SRGAP1: variants seen among roughly 807,000 people sequenced by gnomAD.
SRGAP1 encodes the protein SLIT-ROBO Rho GTPase activating protein 1, also known as SLIT-ROBO Rho GTPase-activating protein 1.
Under a neutral mutation model 121.9 loss-of-function variants are expected in SRGAP1, and 43 were observed. The ratio of observed to expected loss-of-function variants is 0.35; its 90% CI spans 0.28 to 0.46. The LOEUF (loss-of-function observed/expected upper bound fraction) is 0.46. Ranked by LOEUF, SRGAP1 falls within the 20% of genes least tolerant of loss-of-function variation. The pLI, the probability that SRGAP1 is intolerant of heterozygous loss-of-function variation, is 1.00. For missense variants in SRGAP1, 1,102 were observed against 1,350.9 expected (o/e 0.82, Z 2.89); for synonymous variants, 447 against 485.4 (o/e 0.92, Z 1.04).
intron 1 of SRGAP1, among the ~76,000 whole-genome samples, chr12:63,902,112 C>G (rs894749358): frequency 6.6e-6 from 1 of 152,126 alleles, no homozygotes; most frequent in Non-Finnish European, 1.5e-5. Context: ...CTCAGGAGTT[C>G]GAAACCAGCC....
At chr12:63,849,553 G>T (rs1252463982) in intron 1 of SRGAP1, among the ~76,000 whole-genome samples, 1 of 152,148 alleles carries the variant, frequency 6.6e-6, no homozygotes, top group African/African-American at 2.4e-5. Context: ...TGACCACTCT[G>T]CAGCCTGACA....
At chr12:63,984,237 G>A in intron 2 of SRGAP1, 95 bp downstream of exon 2, 1 of 585,522 alleles carries the variant, frequency 1.7e-6, no homozygotes, top group Non-Finnish European at 2.7e-6. Context: ...TTTTGTCTGA[G>A]TAGTGGTTGT....
intron 1 of SRGAP1, among the ~76,000 whole-genome samples, chr12:63,918,690 T>C: frequency 6.6e-6 from 1 of 152,252 alleles, no homozygotes; most frequent in East Asian, 1.9e-4. Context: ...GTGCTGGGAT[T>C]ACAGGCGTGA....
In SRGAP1 at chr12:64,055,259, T is replaced by G. The variant is rs533468244; in HGVS notation, c.802-7658T>G. Reference sequence around the variant, plus strand: ...GAGTGAACTCCCATTCACAATTGCTTCAAAGAGAATAAAATACCTAGGAAT... The same window carrying G: ...GAGTGAACTCCCATTCACAATTGCTGCAAAGAGAATAAAATACCTAGGAAT... On this transcript the variant is annotated intron_variant, in intron 6 of 21. Transcript: ENST00000355086. Among the ~76,000 whole-genome samples the G allele has an allele frequency of 2.3e-3, 325 of 140,110 alleles. 2 individuals carry two copies. The highest frequency in any genetic ancestry group is 6.9e-3 in the Middle Eastern group (2 of 288). 91.9% of individuals were successfully genotyped at this position (140,110 alleles called of 152,430 possible).
At chr12:64,117,486 A>G (rs573183163) in intron 18 of SRGAP1, among the ~76,000 whole-genome samples, 77 of 152,314 alleles carry the variant, frequency 5.1e-4, no homozygotes, top group African/African-American at 1.8e-3. Flanking sequence ...TGTCTTTTGC[A>G]AAACAGAACA....
At chr12:64,132,106 T>G (rs1382868076) in intron 21 of SRGAP1, among the ~76,000 whole-genome samples, 1 of 152,026 alleles carries the variant, frequency 6.6e-6, no homozygotes, top group East Asian at 1.9e-4. Flanking sequence ...ACCAGAGAGG[T>G]GACGTTGCAG....
At chr12:63,987,129 G>A (rs1408061658) in intron 2 of SRGAP1, among the ~76,000 whole-genome samples, 2 of 152,138 alleles carry the variant, frequency 1.3e-5, no homozygotes, top group Non-Finnish European at 2.9e-5. Flanking sequence ...TCTTTGATAC[G>A]ATTGATAACC....
intron 1 of SRGAP1, among the ~76,000 whole-genome samples, chr12:63,974,431 A>T (rs2033039270): frequency 6.6e-6 from 1 of 152,184 alleles, no homozygotes; most frequent in Non-Finnish European, 1.5e-5. Flanking sequence ...TACAGCCTCT[A>T]TGTGTCAGAA....
chr12:64,127,455 AAAG>A, intron 19 of SRGAP1, 132 bp from the exon 20 acceptor site: 1 of 820,244 alleles, frequency 1.2e-6, no homozygotes, highest in Non-Finnish European at 1.8e-6. Context: ...TATTTTAATA[AAAG>A]AAGGGCTTTC....
chr12:63,976,203 G>A (rs1438645680), intron 1 of SRGAP1, among the ~76,000 whole-genome samples: 1 of 152,170 alleles, frequency 6.6e-6, no homozygotes, highest in Non-Finnish European at 1.5e-5. Flanking sequence ...AATTTGCAAA[G>A]CTGACCTGTG....
intron 1 of SRGAP1, among the ~76,000 whole-genome samples, chr12:63,882,225 T>C (rs559660350): frequency 2.0e-5 from 3 of 152,312 alleles, no homozygotes; most frequent in South Asian, 2.1e-4. Context: ...GAAGAATGGC[T>C]CTTTTTCCCT....
At chr12:63,850,379 C>A (rs1225601548) in intron 1 of SRGAP1, among the ~76,000 whole-genome samples, 1 of 151,930 alleles carries the variant, frequency 6.6e-6, no homozygotes, top group Non-Finnish European at 1.5e-5. Context: ...AGTTTAGGAG[C>A]CAGACAGCTT....
In SRGAP1 at chr12:64,126,047, G is replaced by T; in HGVS notation, c.2295G>T (p.Lys765Asn). The change falls in exon 19 of 22, where the codon AAG becomes AAT. Residue 765 changes from lysine (K) to asparagine (N), a missense_variant. Around this residue, in one of 3 missense-constraint regions of SRGAP1, gnomAD observed 747 missense variants for 929.4 expected, o/e 0.80. Transcript: ENST00000355086. ...GGTCTGCCAGAGAACTATCCTTCAA[G>T]AAGGGTGCCTCCCTGCTGCTGTATC... ...VGRSARELSF[K>N]KGASLLLYHR... is the part of the protein sequence containing the mutation. 1.9e-6 allele frequency: 3 copies of T among 1,614,194 alleles called. No homozygotes were observed. The highest frequency in any genetic ancestry group is 2.5e-6 in the Non-Finnish European group (3 of 1,180,018).
Position 64,158,062 on chromosome 12 carries a change from T to C in SRGAP1, c.*15390T>C, listed in dbSNP as rs1280864939. On this transcript the variant is annotated 3_prime_UTR_variant, in exon 22 of 22. Coordinates refer to ENST00000355086, the MANE Select transcript of SRGAP1 (RefSeq NM_020762.4). The stretch of plus-strand genomic sequence containing the variant: ...GAGGCCAGGAAATGTCATCTTCCTA[T>C]AATGCAAGAAAAAGAACCCAGGGCC... 2.0e-5 allele frequency: 3 copies of C among 152,354 alleles called. No homozygotes were observed. Among genetic ancestry groups the C allele is most frequent in the African/African-American group, 7.2e-5 (3 of 41,464 alleles). 9.4% of individuals were successfully genotyped at this position (152,354 alleles called of 1,614,324 possible).
intron 6 of SRGAP1, among the ~76,000 whole-genome samples, chr12:64,057,599 G>T (rs1456042): frequency 1.3e-5 from 2 of 151,924 alleles, no homozygotes; most frequent in South Asian, 4.2e-4. Flanking sequence ...TTGCAAGAAG[G>T]CTCAAAATAA....
At chr12:63,945,624 A>G (rs1325400405) in intron 1 of SRGAP1, among the ~76,000 whole-genome samples, 2 of 152,206 alleles carry the variant, frequency 1.3e-5, no homozygotes, top group South Asian at 2.1e-4. Flanking sequence ...AGGGATGTCT[A>G]AATGTTGTAG....
intron 13 of SRGAP1, 21 bp from the exon 14 acceptor site, chr12:64,095,106 T>A (rs747985516): frequency 6.2e-7 from 1 of 1,613,452 alleles, no homozygotes; most frequent in African/African-American, 1.3e-5. Flanking sequence ...TTTTATCCTC[T>A]TTCCCTTCTT....
chr12:63,913,293 G>A (rs577311846), intron 1 of SRGAP1, among the ~76,000 whole-genome samples: 3 of 139,668 alleles, frequency 2.1e-5, no homozygotes, highest in South Asian at 4.6e-4. Flanking sequence ...TGGGTAGCTG[G>A]GACTATAGGT....
At chr12:63,908,378 A>T (rs543229358) in intron 1 of SRGAP1, among the ~76,000 whole-genome samples, 139 of 152,206 alleles carry the variant, frequency 9.1e-4, no homozygotes, top group African/African-American at 3.1e-3. Flanking sequence ...ATCTTCTTTA[A>T]TATTTTTCAA....
Sources: allele counts gnomAD v4.1 joint callset (sites outside exome capture counted in the v4.1 genomes callset), GRCh38; gene constraint gnomAD v4.1.1; regional missense constraint gnomAD v4.1.1; transcripts MANE v1.5; gene names NCBI Gene and HGNC (gene_info 2026-07-23, HGNC 2026-07-21).